DLG2: variants seen among roughly 807,000 people sequenced by gnomAD.
DLG2 encodes the protein discs large MAGUK scaffold protein 2, also known as disks large homolog 2.
Under a neutral mutation model 132.5 loss-of-function variants are expected in DLG2, and 45 were observed. The ratio of observed to expected loss-of-function variants is 0.34; its 90% CI spans 0.27 to 0.44. The LOEUF (loss-of-function observed/expected upper bound fraction) is 0.44. DLG2 is among the 20% of genes least tolerant of loss of function. The probability of loss-of-function intolerance (pLI) is 1.00; values close to 1 mark genes in which losing one functional copy is unlikely to be tolerated. For missense variants in DLG2, 1,045 were observed against 1,196.9 expected, an observed-to-expected ratio of 0.87 and a Z score of 1.87; for synonymous variants, 424 against 419.6, an observed-to-expected ratio of 1.01 and a Z score of -0.13.
chr11:84,023,147 T>A (rs528035403), intron 11 of DLG2, among the ~76,000 whole-genome samples: 2 of 152,150 alleles, frequency 1.3e-5, no homozygotes, highest in Non-Finnish European at 2.9e-5. Flanking sequence ...ACTAAAATTA[T>A]AAATAGTCTG....
intron 6 of DLG2, among the ~76,000 whole-genome samples, chr11:85,009,316 G>T (rs1336002707): frequency 6.6e-6 from 1 of 152,052 alleles, no homozygotes; most frequent in Admixed American, 6.5e-5. Flanking sequence ...AAGTTCCAGT[G>T]AAATATCAAA....
intron 6 of DLG2, among the ~76,000 whole-genome samples, chr11:85,063,997 G>A (rs2064491876): frequency 6.6e-6 from 1 of 151,712 alleles, no homozygotes; most frequent in Non-Finnish European, 1.5e-5. Flanking sequence ...AGAAAAAAGG[G>A]AAAATAAAAA....
chr11:85,473,438 C>A (rs923720901), intron 3 of DLG2, among the ~76,000 whole-genome samples: 6 of 152,060 alleles, frequency 3.9e-5, no homozygotes, highest in Admixed American at 6.5e-5. Flanking sequence ...CAAGCAAGAG[C>A]AATGTTTATC....
At chr11:84,972,442 T>G (rs1489955415) in intron 6 of DLG2, among the ~76,000 whole-genome samples, 1 of 152,254 alleles carries the variant, frequency 6.6e-6, no homozygotes, top group Non-Finnish European at 1.5e-5. Flanking sequence ...CTATTACAAG[T>G]TGTTTCTAAG....
chr11:83,768,640 A>G (rs898097467), intron 18 of DLG2, among the ~76,000 whole-genome samples: 1 of 152,242 alleles, frequency 6.6e-6, no homozygotes. Context: ...GCTCTCTTAG[A>G]GCAAAGCATC....
intron 21 of DLG2, among the ~76,000 whole-genome samples, chr11:83,494,797 T>C (rs1163695702): frequency 1.1e-4 from 16 of 151,950 alleles, no homozygotes; most frequent in Non-Finnish European, 5.9e-5. Flanking sequence ...TGTACTACCA[T>C]AAAGAAAAGG....
intron 6 of DLG2, among the ~76,000 whole-genome samples, chr11:84,563,221 C>T (rs193175096): frequency 1.3e-5 from 2 of 152,260 alleles, no homozygotes; most frequent in Admixed American, 1.3e-4. Context: ...GACTTTTCAA[C>T]CACGTCTGAT....
At chr11:84,697,846 G>A (rs925203050) in intron 6 of DLG2, among the ~76,000 whole-genome samples, 3 of 151,086 alleles carry the variant, frequency 2.0e-5, no homozygotes, top group East Asian at 2.0e-4. Context: ...TGCACACATC[G>A]ATTATGTTAC....
intron 7 of DLG2, among the ~76,000 whole-genome samples, chr11:84,416,808 A>T (rs545796078): frequency 6.6e-6 from 1 of 152,224 alleles, no homozygotes; most frequent in South Asian, 2.1e-4. Context: ...AAAGATTGTT[A>T]TTATCAACAT....
intron 3 of DLG2, among the ~76,000 whole-genome samples, chr11:85,384,130 T>C (rs568358210): frequency 2.0e-5 from 3 of 152,186 alleles, no homozygotes; most frequent in South Asian, 2.1e-4. Flanking sequence ...GGTCTTATAA[T>C]ACATATGAAA....
intron 6 of DLG2, among the ~76,000 whole-genome samples, chr11:84,884,256 T>A (rs947456905): frequency 1.3e-5 from 2 of 152,056 alleles, no homozygotes; most frequent in Admixed American, 1.3e-4. Flanking sequence ...TGTTGAGCAT[T>A]TTCTGTTGAA....
At chr11:83,743,929 T>C (rs1457141798) in intron 18 of DLG2, among the ~76,000 whole-genome samples, 1 of 152,204 alleles carries the variant, frequency 6.6e-6, no homozygotes, top group Non-Finnish European at 1.5e-5. Context: ...CATCTATTCC[T>C]ACTTCTTTCT....
At chr11:84,804,794 G>A (rs552835913) in intron 6 of DLG2, among the ~76,000 whole-genome samples, 1 of 152,282 alleles carries the variant, frequency 6.6e-6, no homozygotes, top group East Asian at 1.9e-4. Flanking sequence ...ATGAGAGCCT[G>A]GAGTTGTACC....
chr11:84,201,172 TCAAA>T lies in DLG2; in HGVS notation c.574-37665_574-37662del, dbSNP rs796894567. On this transcript the variant is annotated intron_variant, in intron 8 of 27. Transcript: ENST00000376104. Reference sequence around the variant, plus strand: ...TAACATGTAGGGATGTTGAATTTTATCAAACACTTTTCCACCTCTATTGAGATAA... The same window carrying T: ...TAACATGTAGGGATGTTGAATTTTATCACTTTTCCACCTCTATTGAGATAA... Among the ~76,000 whole-genome samples, 4 of 152,328 alleles carry T rather than the reference TCAAA, an allele frequency of 2.6e-5. No individual in the cohort carries two copies. In the East Asian group the frequency reaches 5.8e-4, roughly 22 times the overall value.
At chr11:83,516,433 G>T (rs527742679) in intron 21 of DLG2, among the ~76,000 whole-genome samples, 15 of 152,222 alleles carry the variant, frequency 9.9e-5, no homozygotes, top group Admixed American at 6.5e-4. Context: ...CACATAAGAT[G>T]GGTTTCCTGA....
At chr11:83,900,108 T>G (rs1461842286) in intron 15 of DLG2, among the ~76,000 whole-genome samples, 1 of 152,132 alleles carries the variant, frequency 6.6e-6, no homozygotes, top group Non-Finnish European at 1.5e-5. Context: ...TTTGTGGAAC[T>G]TTGAACTTGA....
intron 20 of DLG2, among the ~76,000 whole-genome samples, chr11:83,537,626 C>A (rs563437850): frequency 6.6e-6 from 1 of 151,742 alleles, no homozygotes; most frequent in South Asian, 2.1e-4. Flanking sequence ...ACCAGCCTGG[C>A]CAATGTGGTG....
At chr11:85,193,184 A>C (rs1196515881) in intron 4 of DLG2, among the ~76,000 whole-genome samples, 1 of 152,152 alleles carries the variant, frequency 6.6e-6, no homozygotes, top group East Asian at 1.9e-4. Flanking sequence ...TACTATATGC[A>C]CTGGCTTTTT....
At chr11:84,815,849 G>A (rs1016041341) in intron 6 of DLG2, among the ~76,000 whole-genome samples, 1 of 151,990 alleles carries the variant, frequency 6.6e-6, no homozygotes, top group Non-Finnish European at 1.5e-5. Context: ...ACCTCATAGT[G>A]GGGTCTCAAG....
Sources: allele counts gnomAD v4.1 joint callset (sites outside exome capture counted in the v4.1 genomes callset), GRCh38; gene constraint gnomAD v4.1.1; transcripts MANE v1.5; gene names NCBI Gene and HGNC (gene_info 2026-07-23, HGNC 2026-07-21).